The following PPP2R2A variants were observed in gnomAD, a reference collection of about 807,000 sequenced individuals.
PPP2R2A encodes the protein serine/threonine-protein phosphatase 2A 55 kDa regulatory subunit B alpha isoform.
PPP2R2A carries 9 observed loss-of-function variants against 53.2 expected under a neutral mutation model. The ratio of observed to expected loss-of-function variants is 0.17; its 90% CI spans 0.10 to 0.30. PPP2R2A has a LOEUF of 0.30. Ranked by LOEUF, PPP2R2A falls within the 10% of genes least tolerant of loss-of-function variation. The pLI, the probability that PPP2R2A is intolerant of heterozygous loss-of-function variation, is 1.00. For missense variants in PPP2R2A, 235 were observed against 534.6 expected, an observed-to-expected ratio of 0.44 and a Z score of 5.53; for synonymous variants, 169 against 174.2, an observed-to-expected ratio of 0.97 and a Z score of 0.23.
intron 8 of PPP2R2A, among the ~76,000 whole-genome samples, chr8:26,364,671 T>C (rs1805275751): frequency 6.6e-6 from 1 of 152,240 alleles, no homozygotes; most frequent in South Asian, 2.1e-4. Flanking sequence ...GAAGATTGTT[T>C]TTGATACGTG....
intron 2 of PPP2R2A, among the ~76,000 whole-genome samples, chr8:26,302,192 G>A (rs2117204013): frequency 6.6e-6 from 1 of 152,270 alleles, no homozygotes. Context: ...TGGATATTTG[G>A]TGGACATTTT....
rs1805679901 is a variant in PPP2R2A at position 26,371,883 on chromosome 8, T to C, written c.*1470T>C. The C allele has an allele frequency of 1.3e-5, 2 of 152,222 alleles. No individual in the cohort carries two copies. Among genetic ancestry groups the C allele is most frequent in the South Asian group, 2.1e-4 (1 of 4,836 alleles). The allele number at this position is 152,222 out of a possible 1,614,324, so 9.4% of individuals were successfully genotyped here. A position where few individuals can be genotyped will look rare whatever the true frequency, so the allele number is the denominator to read the frequency against. On this transcript the variant is annotated 3_prime_UTR_variant, in exon 10 of 10. Coordinates refer to ENST00000380737, the MANE Select transcript of PPP2R2A (RefSeq NM_002717.4). The stretch of plus-strand genomic sequence containing the variant: ...ACCTTTGTCAGTCTTGCAGAAACTT[T>C]AATGGAGAAGAAATGGACTTTATTT...
intron 2 of PPP2R2A, among the ~76,000 whole-genome samples, chr8:26,331,539 A>G (rs1025607545): frequency 2.0e-5 from 3 of 152,216 alleles, no homozygotes; most frequent in Non-Finnish European, 4.4e-5. Flanking sequence ...TTACTGAAAT[A>G]TAACAAAAAG....
At chr8:26,293,591 T>C (rs1801407319) in intron 1 of PPP2R2A, 75 bp from the exon 2 acceptor site, 2 of 1,407,068 alleles carry the variant, frequency 1.4e-6, no homozygotes, top group East Asian at 4.6e-5. Flanking sequence ...ATGCCAACCA[T>C]GGATACCATC....
intron 2 of PPP2R2A, among the ~76,000 whole-genome samples, chr8:26,317,075 A>G (rs1289954496): frequency 6.6e-6 from 1 of 152,236 alleles, no homozygotes; most frequent in Non-Finnish European, 1.5e-5. Flanking sequence ...GCCTGTTACT[A>G]GTAGTACAAC....
chr8:26,362,969 T>G lies in PPP2R2A; in HGVS notation c.802+121T>G, dbSNP rs2117412836. Reference sequence around the variant, plus strand: ...CTTAAACCCGTGTGTCCAGAGCCACTTGTACCCTTGGTAATCTGCCTACCT... The same window carrying G: ...CTTAAACCCGTGTGTCCAGAGCCACGTGTACCCTTGGTAATCTGCCTACCT... On this transcript the variant is annotated intron_variant, in intron 7 of 9. Transcript: ENST00000380737. The surrounding 1 kb of genome is among the most constrained non-coding windows in gnomAD (Gnocchi z 4.4). 2 of 904,024 alleles carry G rather than the reference T, an allele frequency of 2.2e-6. No homozygotes were observed. Among genetic ancestry groups the G allele is most frequent in the Non-Finnish European group, 1.7e-6 (1 of 605,982 alleles). 56.0% of individuals were successfully genotyped at this position (904,024 alleles called of 1,614,324 possible).
At position 26,362,823 on chromosome 8, in the gene PPP2R2A, T is replaced by C. The variant is rs1197979370; in HGVS notation, c.777T>C (p.Ser259=). ...TTCGGCTATGTGACATGAGGGCATC[T>C]GCCCTCTGTGATAGACATTCTAAAT... ...GTIRLCDMRA[S]ALCDRHSKLF... The change falls in exon 7 of 10, where the codon TCT becomes TCC. Residue 259 remains serine, a synonymous_variant. Coordinates refer to ENST00000380737, the MANE Select transcript of PPP2R2A (RefSeq NM_002717.4). This position sits in a 1 kb window ranked among gnomAD's most constrained non-coding sequence, Gnocchi z 4.4. The C allele has an allele frequency of 2.5e-6, 4 of 1,613,730 alleles. No individual in the cohort carries two copies. In the African/African-American group the frequency reaches 5.3e-5, roughly 22 times the overall value.
intron 3 of PPP2R2A, among the ~76,000 whole-genome samples, chr8:26,347,364 G>A (rs1166277841): frequency 1.3e-5 from 2 of 151,322 alleles, no homozygotes; most frequent in African/African-American, 2.4e-5. Flanking sequence ...TCTGAGCAAG[G>A]CACAGTTTTC....
intron 3 of PPP2R2A, among the ~76,000 whole-genome samples, chr8:26,347,050 T>C (rs1804253934): frequency 6.6e-6 from 1 of 152,212 alleles, no homozygotes. Context: ...TTGCATTAAA[T>C]TCCCAAAGTT....
At chr8:26,308,871 T>C (rs183945079) in intron 2 of PPP2R2A, among the ~76,000 whole-genome samples, 1 of 152,166 alleles carries the variant, frequency 6.6e-6, no homozygotes, top group East Asian at 1.9e-4. Context: ...TATATATATA[T>C]ATACTTTTTT....
chr8:26,324,017 A>C (rs1269648008), intron 2 of PPP2R2A, among the ~76,000 whole-genome samples: 1 of 152,136 alleles, frequency 6.6e-6, no homozygotes. Flanking sequence ...CTGCCCTTTT[A>C]CCGTGGCCTA....
chr8:26,308,437 T>C (rs1224313826), intron 2 of PPP2R2A, among the ~76,000 whole-genome samples: 2 of 152,218 alleles, frequency 1.3e-5, no homozygotes, highest in Non-Finnish European at 2.9e-5. Flanking sequence ...TCAACTAAGT[T>C]TATATAATAT....
intron 2 of PPP2R2A, among the ~76,000 whole-genome samples, chr8:26,298,237 A>G (rs928746201): frequency 2.0e-5 from 3 of 152,066 alleles, no homozygotes; most frequent in Non-Finnish European, 2.9e-5. Flanking sequence ...AAGTTTTTGG[A>G]AATCTAATAA....
At chr8:26,303,019 T>C (rs1427816609) in intron 2 of PPP2R2A, among the ~76,000 whole-genome samples, 1 of 152,240 alleles carries the variant, frequency 6.6e-6, no homozygotes, top group African/African-American at 2.4e-5. Context: ...GTAATAATGC[T>C]TTACAAGTCT....
At chr8:26,303,665 A>G (rs1801886860) in intron 2 of PPP2R2A, among the ~76,000 whole-genome samples, 1 of 152,094 alleles carries the variant, frequency 6.6e-6, no homozygotes, top group Admixed American at 6.5e-5. Flanking sequence ...TATTTTCAGT[A>G]TTTTTGTGGC....
chr8:26,335,570 C>T (rs1384600883), intron 2 of PPP2R2A, among the ~76,000 whole-genome samples: 1 of 152,172 alleles, frequency 6.6e-6, no homozygotes, highest in East Asian at 1.9e-4. Flanking sequence ...TAAAAAGTGA[C>T]TTGGTTGGCT....
chr8:26,337,264 C>T (rs1754900156), intron 2 of PPP2R2A, among the ~76,000 whole-genome samples: 1 of 152,024 alleles, frequency 6.6e-6, no homozygotes, highest in African/African-American at 2.4e-5. Context: ...TAAAAAAAAC[C>T]CAGCAAATTA....
intron 2 of PPP2R2A, among the ~76,000 whole-genome samples, chr8:26,305,565 AAC>A (rs1801980593): frequency 6.6e-6 from 1 of 152,194 alleles, no homozygotes; most frequent in Admixed American, 6.5e-5. Context: ...GCCACAAGTC[AAC>A]AGGTATCTGT....
chr8:26,298,581 G>A (rs931338838), intron 2 of PPP2R2A: 7 of 152,156 alleles, frequency 4.6e-5, no homozygotes, highest in African/African-American at 1.7e-4. Context: ...AACCAGTAGT[G>A]CTCTGCAGTG....
Sources: gnomAD v4.1 joint callset for allele counts (sites outside exome capture counted in the v4.1 genomes callset) on GRCh38, gnomAD v4.1.1 for gene constraint, Gnocchi (gnomAD v3.1) non-coding constraint, MANE v1.5 for transcripts, NCBI Gene and HGNC (gene_info 2026-07-23, HGNC 2026-07-21) for gene names.